PTPRD: variants seen among roughly 807,000 people sequenced by gnomAD.
PTPRD encodes receptor-type tyrosine-protein phosphatase delta.
Under a neutral mutation model 214.5 loss-of-function variants are expected in PTPRD, and 34 were observed. The observed-to-expected ratio is 0.16, with a 90% confidence interval of 0.12 to 0.21. PTPRD has a LOEUF of 0.21. Ranked by LOEUF, PTPRD falls within the 10% of genes least tolerant of loss-of-function variation. The pLI, the probability that PTPRD is intolerant of heterozygous loss-of-function variation, is 1.00. For missense variants in PTPRD, 2,545 were observed against 2,398.7 expected (o/e 1.06, Z -1.27); for synonymous variants, 1,128 against 845.7 (o/e 1.33, Z -5.79).
intron 10 of PTPRD, among the ~76,000 whole-genome samples, chr9:9,091,421 A>G (rs2099775675): frequency 6.6e-6 from 1 of 152,200 alleles, no homozygotes; most frequent in Non-Finnish European, 1.5e-5. Flanking sequence ...TATTCCTTTA[A>G]AAAATACCTT....
At chr9:8,560,381 T>C (rs944735067) in intron 14 of PTPRD, among the ~76,000 whole-genome samples, 2 of 150,096 alleles carry the variant, frequency 1.3e-5, no homozygotes, top group African/African-American at 2.5e-5. Flanking sequence ...AAGAAAACAA[T>C]ACAGGTAATT....
At chr9:10,201,017 A>T (rs766665031) in intron 3 of PTPRD, among the ~76,000 whole-genome samples, 15 of 152,100 alleles carry the variant, frequency 9.9e-5, no homozygotes, top group Non-Finnish European at 1.9e-4. Flanking sequence ...GGGAGAAATC[A>T]CAATTATTCT....
intron 11 of PTPRD, among the ~76,000 whole-genome samples, chr9:8,826,922 C>T (rs1013777756): frequency 2.6e-5 from 4 of 152,074 alleles, no homozygotes; most frequent in East Asian, 1.9e-4. Context: ...CCAATGAGCA[C>T]GATTCCTTGA....
At chr9:10,478,498 C>A (rs2099077286) in intron 2 of PTPRD, among the ~76,000 whole-genome samples, 1 of 152,044 alleles carries the variant, frequency 6.6e-6, no homozygotes, top group East Asian at 1.9e-4. Context: ...CTAGAAGATG[C>A]ATTTTTCTAT....
intron 5 of PTPRD, among the ~76,000 whole-genome samples, chr9:9,825,677 A>G (rs2052562729): frequency 6.6e-6 from 1 of 151,970 alleles, no homozygotes; most frequent in Admixed American, 6.6e-5. Flanking sequence ...GATGGAGTAC[A>G]ATGATAACAG....
At chr9:8,464,621 C>T (rs777801488) in intron 32 of PTPRD, among the ~76,000 whole-genome samples, 7 of 151,752 alleles carry the variant, frequency 4.6e-5, no homozygotes, top group Non-Finnish European at 7.4e-5. Context: ...ATTTAGACAC[C>T]GATTAGAAAA....
At chr9:10,450,420 T>C (rs1190466278) in intron 2 of PTPRD, among the ~76,000 whole-genome samples, 1 of 151,992 alleles carries the variant, frequency 6.6e-6, no homozygotes, top group Non-Finnish European at 1.5e-5. Context: ...GCAATTTGTA[T>C]TATTTAAGGC....
At position 8,460,189 on chromosome 9, in the gene PTPRD, A is replaced by G. The variant is rs998054658; in HGVS notation, c.3875+222T>C. On this transcript the variant is annotated intron_variant, in intron 33 of 45. Coordinates refer to ENST00000381196, the MANE Select transcript of PTPRD (RefSeq NM_002839.4). Reference sequence around the variant, plus strand: ...GAAGATTGGAGGCCAGAATAGATGCATGTTGGACAACAGAAGTCTATACCA... The same window carrying G: ...GAAGATTGGAGGCCAGAATAGATGCGTGTTGGACAACAGAAGTCTATACCA... 5.1e-6 allele frequency: 3 copies of G among 589,500 alleles called. No homozygotes were observed. In the Admixed American group the frequency reaches 9.0e-5, roughly 18 times the overall value. The allele number at this position is 589,500 out of a possible 1,614,324, so 36.5% of individuals were successfully genotyped here.
chr9:9,734,501 G>A lies in PTPRD; in HGVS notation c.-287+32C>T, dbSNP rs2098257980. On this transcript the variant is annotated intron_variant, in intron 7 of 45. Transcript: ENST00000381196. Reference sequence around the variant, plus strand: ...GACAAACAAAATAAAAATATCAGAAGACTGAGAGTCCCAAAGAAAAAAATA... The same window carrying A: ...GACAAACAAAATAAAAATATCAGAAAACTGAGAGTCCCAAAGAAAAAAATA... The A allele has an allele frequency of 2.0e-5, 3 of 151,762 alleles. No homozygotes were observed. In the South Asian group the frequency reaches 6.2e-4, roughly 32 times the overall value. The allele number at this position is 151,762 out of a possible 1,614,324, so 9.4% of individuals were successfully genotyped here.
At chr9:9,391,974 A>C (rs2065990686) in intron 9 of PTPRD, among the ~76,000 whole-genome samples, 1 of 152,172 alleles carries the variant, frequency 6.6e-6, no homozygotes, top group Non-Finnish European at 1.5e-5. Flanking sequence ...TCTGTAAATG[A>C]TGAGAGTAGG....
At chr9:10,159,990 G>A (rs549147034) in intron 3 of PTPRD, among the ~76,000 whole-genome samples, 19 of 152,082 alleles carry the variant, frequency 1.2e-4, no homozygotes, top group African/African-American at 3.4e-4. Flanking sequence ...TTGGCAAAAT[G>A]ACAAATATCT....
chr9:9,093,374 G>C (rs760537012), intron 10 of PTPRD, among the ~76,000 whole-genome samples: 7 of 151,960 alleles, frequency 4.6e-5, no homozygotes, highest in Non-Finnish European at 8.8e-5. Context: ...AATAACGGCA[G>C]ACTACATAGT....
chr9:8,661,396 G>A (rs2097049137), intron 12 of PTPRD, among the ~76,000 whole-genome samples: 1 of 151,690 alleles, frequency 6.6e-6, no homozygotes, highest in Admixed American at 6.6e-5. Context: ...TATAGTGGGG[G>A]CATTTCCACA....
At chr9:8,373,979 T>C (rs1207399891) in intron 39 of PTPRD, among the ~76,000 whole-genome samples, 2 of 151,518 alleles carry the variant, frequency 1.3e-5, no homozygotes, top group African/African-American at 4.8e-5. Context: ...GGAAGAACAT[T>C]TGGAGAAAGC....
intron 3 of PTPRD, among the ~76,000 whole-genome samples, chr9:10,119,848 C>T (rs1225578025): frequency 6.6e-6 from 1 of 151,934 alleles, no homozygotes; most frequent in Non-Finnish European, 1.5e-5. Context: ...ATGAGAGGTA[C>T]AGAGACCTAT....
At chr9:10,524,045 G>T (rs1490556645) in intron 2 of PTPRD, among the ~76,000 whole-genome samples, 1 of 151,994 alleles carries the variant, frequency 6.6e-6, no homozygotes, top group Non-Finnish European at 1.5e-5. Context: ...CTTGCAGAAG[G>T]TGTCCGTCTT....
At chr9:9,686,821 TATC>T (rs1400734853) in intron 7 of PTPRD, among the ~76,000 whole-genome samples, 3 of 151,782 alleles carry the variant, frequency 2.0e-5, no homozygotes, top group Non-Finnish European at 4.4e-5. Flanking sequence ...TCTTAGAAGT[TATC>T]ATACTTAACT....
intron 3 of PTPRD, among the ~76,000 whole-genome samples, chr9:10,132,656 C>T (rs936057011): frequency 2.0e-5 from 3 of 152,082 alleles, no homozygotes; most frequent in Admixed American, 6.6e-5. Context: ...TGGTTGACTC[C>T]AGAAAAAAGT....
At chr9:9,468,574 C>T (rs7862490) in intron 8 of PTPRD, among the ~76,000 whole-genome samples, 102 of 152,062 alleles carry the variant, frequency 6.7e-4, no homozygotes, top group African/African-American at 2.2e-3. Flanking sequence ...TATTAATATT[C>T]AATGTCTTTA....
Sources: allele counts gnomAD v4.1 joint callset (sites outside exome capture counted in the v4.1 genomes callset), GRCh38; gene constraint gnomAD v4.1.1; transcripts MANE v1.5; gene names NCBI Gene and HGNC (gene_info 2026-07-23, HGNC 2026-07-21).